STK32B: variants seen among roughly 807,000 people sequenced by gnomAD.
STK32B encodes serine/threonine-protein kinase 32B.
STK32B carries 43 observed loss-of-function variants against 52.6 expected under a neutral mutation model. That is an observed-to-expected ratio of 0.82 (90% confidence interval 0.64 to 1.05). STK32B has a LOEUF of 1.05. Among genes scored for constraint, STK32B ranks in the 50% least tolerant of loss-of-function variants. The pLI is 0.00. For missense variants in STK32B, 621 were observed against 534.6 expected (o/e 1.16, Z -1.59); for synonymous variants, 238 against 204.3 (o/e 1.17, Z -1.41).
chr4:5,153,635 A>G (rs1243569596), intron 2 of STK32B, among the ~76,000 whole-genome samples: 1 of 152,184 alleles, frequency 6.6e-6, no homozygotes, highest in Non-Finnish European at 1.5e-5. Context: ...TCCAAAGTAG[A>G]AACAAGGCAA....
chr4:5,337,564 C>T (rs188494360), intron 4 of STK32B, among the ~76,000 whole-genome samples: 2 of 152,090 alleles, frequency 1.3e-5, no homozygotes, highest in African/African-American at 2.4e-5. Context: ...CACATGTATA[C>T]CATGACCAGT....
chr4:5,051,611 G>A lies in STK32B; in HGVS notation c.-253G>A. On this transcript the variant is annotated 5_prime_UTR_variant, in exon 1 of 12. Transcript: ENST00000282908. ...GGCGGGCACTGGAGTAAGGAGCTGC[G>A]AGCGCAGCCCGAGGCGGGGCACGGC... 1 of 495,650 alleles carries A rather than the reference G, an allele frequency of 2.0e-6. No homozygotes were observed. The highest frequency in any genetic ancestry group is 3.5e-6 in the Non-Finnish European group (1 of 285,532). 30.7% of individuals were successfully genotyped at this position (495,650 alleles called of 1,614,324 possible). A position where few individuals can be genotyped will look rare whatever the true frequency, so the allele number is the denominator to read the frequency against.
chr4:5,055,552 TCCTC>T (rs1436276513), intron 1 of STK32B, among the ~76,000 whole-genome samples: 1 of 151,954 alleles, frequency 6.6e-6, no homozygotes, highest in Non-Finnish European at 1.5e-5. Context: ...CACCCTCAAA[TCCTC>T]CCTCCAGCCC....
At chr4:5,155,134 T>G (rs947271106) in intron 2 of STK32B, among the ~76,000 whole-genome samples, 3 of 152,184 alleles carry the variant, frequency 2.0e-5, no homozygotes, top group African/African-American at 7.2e-5. Flanking sequence ...TCAGTCACCT[T>G]TCCCCCAGGT....
chr4:5,316,357 T>A (rs1377132660), intron 3 of STK32B, among the ~76,000 whole-genome samples: 1 of 33,368 alleles, frequency 3.0e-5, no homozygotes, highest in Non-Finnish European at 3.9e-5. Context: ...TATCATATAT[T>A]ATATATATTA....
intron 4 of STK32B, among the ~76,000 whole-genome samples, chr4:5,359,755 G>GA (rs1734425251): frequency 6.6e-6 from 1 of 152,206 alleles, no homozygotes; most frequent in African/African-American, 2.4e-5. Context: ...GAGGCTCCAA[G>GA]AGGAAGTGTG....
chr4:5,354,203 A>G (rs555534564), intron 4 of STK32B, among the ~76,000 whole-genome samples: 3 of 152,326 alleles, frequency 2.0e-5, no homozygotes, highest in Admixed American at 2.0e-4. Flanking sequence ...GGAGATAGAA[A>G]GTAGAATGGT....
chr4:5,141,681 G>T (rs1716465975), intron 2 of STK32B, among the ~76,000 whole-genome samples: 1 of 152,128 alleles, frequency 6.6e-6, no homozygotes, highest in African/African-American at 2.4e-5. Context: ...CAGTGCTGGG[G>T]GTGGTGAGAA....
chr4:5,434,803 G>A (rs151304345), intron 6 of STK32B, among the ~76,000 whole-genome samples: 214 of 152,306 alleles, frequency 1.4e-3, no homozygotes, highest in African/African-American at 4.0e-3. Flanking sequence ...AATAGCATAT[G>A]TAAAGAATTA....
intron 11 of STK32B, among the ~76,000 whole-genome samples, chr4:5,471,946 G>A (rs1010982340): frequency 6.6e-6 from 1 of 152,188 alleles, no homozygotes; most frequent in Non-Finnish European, 1.5e-5. Context: ...GCTCCCGGGG[G>A]CCTTAACTTC....
chr4:5,166,334 C>T (rs751050940), intron 2 of STK32B, among the ~76,000 whole-genome samples: 2 of 151,666 alleles, frequency 1.3e-5, no homozygotes, highest in African/African-American at 4.8e-5. Context: ...ACTTTCCTCT[C>T]TCTGTGAAGC....
At chr4:5,448,685 A>T (rs1018483056) in intron 7 of STK32B, among the ~76,000 whole-genome samples, 1 of 152,120 alleles carries the variant, frequency 6.6e-6, no homozygotes, top group African/African-American at 2.4e-5. Flanking sequence ...ATTTTCAAGG[A>T]TGGTGCTTCT....
chr4:5,192,148 C>T (rs1385122310), intron 3 of STK32B, among the ~76,000 whole-genome samples: 1 of 152,210 alleles, frequency 6.6e-6, no homozygotes, highest in Non-Finnish European at 1.5e-5. Flanking sequence ...CACCGAATGA[C>T]AGGATCAGTT....
At chr4:5,157,311 A>AAAAAC (rs1560183943) in intron 2 of STK32B, among the ~76,000 whole-genome samples, 2 of 151,300 alleles carry the variant, frequency 1.3e-5, no homozygotes, top group Non-Finnish European at 1.5e-5. Context: ...AAAAAAAAAA[A>AAAAAC]AAAAAAAAAG....
intron 3 of STK32B, among the ~76,000 whole-genome samples, chr4:5,237,621 C>G (rs980712336): frequency 6.6e-6 from 1 of 152,200 alleles, no homozygotes; most frequent in Non-Finnish European, 1.5e-5. Context: ...AAATGGAAAT[C>G]TGTGCAGGAA....
At chr4:5,261,672 C>G (rs1040895674) in intron 3 of STK32B, among the ~76,000 whole-genome samples, 1 of 152,164 alleles carries the variant, frequency 6.6e-6, no homozygotes, top group Non-Finnish European at 1.5e-5. Context: ...AAATTCTGCA[C>G]TATTTCTTAT....
At chr4:5,244,212 AC>A (rs1217156812) in intron 3 of STK32B, among the ~76,000 whole-genome samples, 3 of 152,026 alleles carry the variant, frequency 2.0e-5, no homozygotes, top group Non-Finnish European at 4.4e-5. Flanking sequence ...CTGGTCCTGG[AC>A]TTTTTTTGGT....
chr4:5,289,684 AATTTTTTTT>A (rs1447333808), intron 3 of STK32B, among the ~76,000 whole-genome samples: 2 of 117,786 alleles, frequency 1.7e-5, no homozygotes, highest in African/African-American at 3.8e-5. Flanking sequence ...ATGCCCGGCT[AATTTTTTTT>A]TTTTTTTTTT....
intron 3 of STK32B, among the ~76,000 whole-genome samples, chr4:5,208,563 A>G (rs1381052392): frequency 6.6e-6 from 1 of 152,222 alleles, no homozygotes; most frequent in Non-Finnish European, 1.5e-5. Flanking sequence ...TGACTTTATT[A>G]ACATCACTCA....
Sources: gnomAD v4.1 joint callset for allele counts (sites outside exome capture counted in the v4.1 genomes callset) on GRCh38, gnomAD v4.1.1 for gene constraint, MANE v1.5 for transcripts, NCBI Gene and HGNC (gene_info 2026-07-23, HGNC 2026-07-21) for gene names.